Variants in CREB5 observed in about 807,000 individuals in gnomAD.
CREB5 encodes the protein cyclic AMP-responsive element-binding protein 5.
Under a neutral mutation model 57.1 loss-of-function variants are expected in CREB5, and 19 were observed. That is an observed-to-expected ratio of 0.33 (90% CI 0.23 to 0.49). CREB5 has a LOEUF of 0.49. CREB5 is among the 20% of genes least tolerant of loss of function. The pLI, the probability that CREB5 is intolerant of heterozygous loss-of-function variation, is 0.99. For missense variants in CREB5, 579 were observed against 671.6 expected, an observed-to-expected ratio of 0.86 and a Z score of 1.52; for synonymous variants, 238 against 238.3, an observed-to-expected ratio of 1.00 and a Z score of 0.01.
chr7:28,305,771 A>G (rs1297733497), intron 1 of CREB5, among the ~76,000 whole-genome samples: 2 of 138,630 alleles, frequency 1.4e-5, no homozygotes, highest in Non-Finnish European at 3.1e-5. Context: ...GATTTCATTC[A>G]TTCAATTATT....
intron 1 of CREB5, among the ~76,000 whole-genome samples, chr7:28,319,703 TAG>T (rs1168400314): frequency 6.6e-6 from 1 of 151,870 alleles, no homozygotes; most frequent in African/African-American, 2.4e-5. Flanking sequence ...ACCAGAAGGG[TAG>T]AGTGAGCATC....
At chr7:28,789,440 TTA>T (rs1807535529) in intron 7 of CREB5, among the ~76,000 whole-genome samples, 1 of 152,186 alleles carries the variant, frequency 6.6e-6, no homozygotes, top group Non-Finnish European at 1.5e-5. Context: ...TGGGGATGTC[TTA>T]GTTTCAAAAT....
intron 7 of CREB5, among the ~76,000 whole-genome samples, chr7:28,750,604 T>TC (rs996902550): frequency 2.0e-5 from 3 of 152,136 alleles, no homozygotes; most frequent in Non-Finnish European, 4.4e-5. Flanking sequence ...AATATATCAC[T>TC]TTTTTTATTA....
intron 7 of CREB5, among the ~76,000 whole-genome samples, chr7:28,749,940 T>A (rs907149254): frequency 3.9e-5 from 6 of 152,060 alleles, no homozygotes; most frequent in Admixed American, 1.3e-4. Flanking sequence ...TTTTTTTTTT[T>A]AACGTGCATT....
chr7:28,650,669 A>G (rs1471721694), intron 5 of CREB5, among the ~76,000 whole-genome samples: 3 of 152,204 alleles, frequency 2.0e-5, no homozygotes, highest in Non-Finnish European at 4.4e-5. Flanking sequence ...TTGTTCAATG[A>G]TATAAAATAA....
At chr7:28,817,924 C>A in intron 9 of CREB5, 147 bp from the exon 10 acceptor site, 1 of 559,602 alleles carries the variant, frequency 1.8e-6, no homozygotes, top group Non-Finnish European at 3.1e-6. Context: ...AAGCTACAAA[C>A]TTTCAGGTGA....
At chr7:28,311,854 C>G (rs929365897) in intron 1 of CREB5, among the ~76,000 whole-genome samples, 2 of 152,186 alleles carry the variant, frequency 1.3e-5, no homozygotes, top group Non-Finnish European at 2.9e-5. Flanking sequence ...GTGGCAGGCA[C>G]TGTCTCTGCC....
intron 5 of CREB5, among the ~76,000 whole-genome samples, chr7:28,590,672 T>TATAATAATAATA (rs71555752): frequency 8.5e-4 from 122 of 142,972 alleles, no homozygotes; most frequent in African/African-American, 2.8e-3. Flanking sequence ...GAACTTAAAG[T>TATAATAATAATA]ATAATAATAA....
chr7:28,424,319 A>G (rs1788403571), intron 1 of CREB5, among the ~76,000 whole-genome samples: 1 of 152,220 alleles, frequency 6.6e-6, no homozygotes, highest in South Asian at 2.1e-4. Flanking sequence ...TGTGTCCAGC[A>G]AGAAGGCAGC....
chr7:28,477,290 C>A (rs1455630699), intron 1 of CREB5, among the ~76,000 whole-genome samples: 1 of 152,204 alleles, frequency 6.6e-6, no homozygotes, highest in South Asian at 2.1e-4. Flanking sequence ...CTTTCTTCAG[C>A]CTTTCAATAG....
At chr7:28,681,703 C>T (rs763095468) in intron 5 of CREB5, among the ~76,000 whole-genome samples, 8 of 152,290 alleles carry the variant, frequency 5.3e-5, no homozygotes, top group East Asian at 1.9e-4. Context: ...TGCTTCAGGA[C>T]GCCAAAGGAG....
intron 5 of CREB5, among the ~76,000 whole-genome samples, chr7:28,671,872 A>G (rs902022773): frequency 6.6e-6 from 1 of 152,220 alleles, no homozygotes; most frequent in African/African-American, 2.4e-5. Context: ...CTTACAGATT[A>G]GCTCTTAGTA....
chr7:28,651,901 C>T (rs1799141963), intron 5 of CREB5, among the ~76,000 whole-genome samples: 1 of 152,200 alleles, frequency 6.6e-6, no homozygotes, highest in African/African-American at 2.4e-5. Flanking sequence ...AGGTAGGAAT[C>T]ATGAGAGCTG....
chr7:28,335,252 T>C (rs554643685), intron 1 of CREB5, among the ~76,000 whole-genome samples: 5 of 152,328 alleles, frequency 3.3e-5, no homozygotes, highest in African/African-American at 1.2e-4. Flanking sequence ...GGTATTTTAA[T>C]AGGGATTGCA....
At chr7:28,414,436 C>A (rs377587846) in intron 1 of CREB5, among the ~76,000 whole-genome samples, 1 of 152,050 alleles carries the variant, frequency 6.6e-6, no homozygotes, top group Admixed American at 6.6e-5. Context: ...ATGACTATTT[C>A]TCTGAATTCT....
chr7:28,637,897 G>C (rs1005699034), intron 5 of CREB5, among the ~76,000 whole-genome samples: 4 of 152,150 alleles, frequency 2.6e-5, no homozygotes, highest in African/African-American at 9.7e-5. Flanking sequence ...AGGAATATTA[G>C]ACTAGGTATG....
chr7:28,382,960 G>A (rs946131641), intron 1 of CREB5, among the ~76,000 whole-genome samples: 55 of 152,280 alleles, frequency 3.6e-4, no homozygotes, highest in African/African-American at 1.3e-3. Context: ...TAGGAATAGG[G>A]AACAAGGCTA....
At chr7:28,531,992 G>C (rs1215591147) in intron 4 of CREB5, among the ~76,000 whole-genome samples, 1 of 152,204 alleles carries the variant, frequency 6.6e-6, no homozygotes, top group Non-Finnish European at 1.5e-5. Flanking sequence ...TTGTGCCACT[G>C]CACTCCAGCC....
chr7:28,345,211 T>C (rs1383259604), intron 1 of CREB5, among the ~76,000 whole-genome samples: 1 of 151,980 alleles, frequency 6.6e-6, no homozygotes, highest in African/African-American at 2.4e-5. Flanking sequence ...GAATATACAT[T>C]CTTCTCTAGT....
Sources: allele counts gnomAD v4.1 joint callset (sites outside exome capture counted in the v4.1 genomes callset), GRCh38; gene constraint gnomAD v4.1.1; transcripts MANE v1.5; gene names NCBI Gene and HGNC (gene_info 2026-07-23, HGNC 2026-07-21).